ITGB6: variants seen among roughly 807,000 people sequenced by gnomAD.
ITGB6 encodes integrin subunit beta 6.
In ITGB6, 80 loss-of-function variants were observed where a neutral mutation model predicts 84.5. That is an observed-to-expected ratio of 0.95 (90% confidence interval 0.79 to 1.14). The LOEUF (loss-of-function observed/expected upper bound fraction) is 1.14, where lower values mean the gene tolerates loss of function less well. Among genes scored for constraint, ITGB6 ranks in the 50% most tolerant of loss-of-function variants. The pLI, the probability that ITGB6 is intolerant of heterozygous loss-of-function variation, is 0.00. For synonymous variants in ITGB6, 383 were observed against 354.9 expected (o/e 1.08, Z -0.89); for missense variants, 1,006 against 968.0 (o/e 1.04, Z -0.52).
chr2:160,172,192 T>G (rs900238058), intron 6 of ITGB6, among the ~76,000 whole-genome samples: 5 of 152,234 alleles, frequency 3.3e-5, no homozygotes, highest in African/African-American at 1.2e-4. Flanking sequence ...GATGGCCTGA[T>G]TCAAGGACTA....
chr2:160,194,773 T>A (rs1016824160), intron 4 of ITGB6, among the ~76,000 whole-genome samples: 1 of 152,148 alleles, frequency 6.6e-6, no homozygotes, highest in African/African-American at 2.4e-5. Context: ...ATCACCTGCA[T>A]AATGTGTGGT....
chr2:160,103,183 GA>G (rs1039401153), intron 14 of ITGB6, among the ~76,000 whole-genome samples: 3 of 151,494 alleles, frequency 2.0e-5, no homozygotes, highest in East Asian at 3.9e-4. Context: ...GGGTGGATTT[GA>G]AAAAAAACCT....
chr2:160,180,860 G>A (rs1235138634), intron 4 of ITGB6, among the ~76,000 whole-genome samples: 1 of 152,140 alleles, frequency 6.6e-6, no homozygotes, highest in Admixed American at 6.5e-5. Context: ...AGGGTGGGGC[G>A]TCACCTCACC....
At chr2:160,101,885 A>T (rs1321028152) in intron 14 of ITGB6, 51 bp from the exon 15 acceptor site, 8 of 1,064,328 alleles carry the variant, frequency 7.5e-6, no homozygotes, top group Non-Finnish European at 1.2e-5. Flanking sequence ...TTGTTTTTAT[A>T]CTGTTTTAAT....
intron 7 of ITGB6, among the ~76,000 whole-genome samples, chr2:160,152,912 AG>A (rs1684484220): frequency 6.6e-6 from 1 of 152,228 alleles, no homozygotes; most frequent in Non-Finnish European, 1.5e-5. Flanking sequence ...GACCTCTTCA[AG>A]GCAAACTACA....
chr2:160,190,211 G>C (rs532184546), intron 4 of ITGB6, among the ~76,000 whole-genome samples: 16 of 149,474 alleles, frequency 1.1e-4, no homozygotes, highest in East Asian at 4.0e-4. Context: ...TTGTGGGTTG[G>C]GGGGAGGGGG....
Position 160,137,454 on chromosome 2 carries a change from T to G in ITGB6, c.1640A>C (p.His547Pro). 6.2e-7 allele frequency: 1 copy of G among 1,611,460 alleles called. No individual in the cohort carries two copies. Among genetic ancestry groups the G allele is most frequent in the Non-Finnish European group, 8.5e-7 (1 of 1,177,916 alleles). Residue 547 changes from histidine to proline, a missense_variant, in exon 10 of 15, where the codon CAC becomes CCC. Transcript: ENST00000283249. ...CCTACCTCCGCAGAGCAGCCCTTTG[T>G]GTCTCACGCAGGAGAAATTGTCACA... is the stretch of plus-strand genomic sequence containing the variant. ...CQCDNFSCVR[H>P]KGLLCGGNGD...
chr2:160,135,996 A>G (rs1251092960), intron 10 of ITGB6, among the ~76,000 whole-genome samples: 2 of 152,230 alleles, frequency 1.3e-5, no homozygotes, highest in Non-Finnish European at 2.9e-5. Flanking sequence ...AGGCATGAGC[A>G]AGGACTTCAT....
In ITGB6 at chr2:160,116,929, A is replaced by C. The variant is rs571776842; in HGVS notation, c.1982-4730T>G. ...AAAGAGACAAAGAAGGCCATTACAT[A>C]ATGGTAAAGGGATCAATTCAACAAG... On this transcript the variant is annotated intron_variant, in intron 12 of 14. Transcript: ENST00000283249. Among the ~76,000 whole-genome samples, 5 of 151,930 alleles carry C rather than the reference A, an allele frequency of 3.3e-5. No individual in the cohort carries two copies. In the South Asian group the frequency reaches 6.2e-4, roughly 19 times the overall value.
chr2:160,162,605 T>A (rs1446714328), intron 7 of ITGB6, among the ~76,000 whole-genome samples: 4 of 152,126 alleles, frequency 2.6e-5, no homozygotes, highest in Non-Finnish European at 5.9e-5. Flanking sequence ...GCAATAAGTA[T>A]GTGGGTGTTT....
chr2:160,120,848 G>T (rs1460312234), intron 12 of ITGB6, among the ~76,000 whole-genome samples: 1 of 147,788 alleles, frequency 6.8e-6, no homozygotes, highest in Admixed American at 6.8e-5. Flanking sequence ...ACTCATAGGT[G>T]GGAATTGAAC....
At chr2:160,185,435 C>G (rs1381964188) in intron 4 of ITGB6, among the ~76,000 whole-genome samples, 1 of 152,180 alleles carries the variant, frequency 6.6e-6, no homozygotes, top group Non-Finnish European at 1.5e-5. Context: ...TGAAGGACCT[C>G]TTCAAGAACT....
intron 4 of ITGB6, among the ~76,000 whole-genome samples, chr2:160,181,207 C>T (rs570837597): frequency 2.4e-4 from 37 of 152,314 alleles, no homozygotes; most frequent in African/African-American, 8.9e-4. Flanking sequence ...AGATCCCACT[C>T]TCATGGAGCC....
chr2:160,138,606 A>T (rs546510914), intron 8 of ITGB6, among the ~76,000 whole-genome samples: 6 of 152,186 alleles, frequency 3.9e-5, no homozygotes, highest in Non-Finnish European at 7.4e-5. Flanking sequence ...ATATCTCAGT[A>T]ACAAAATTAA....
intron 10 of ITGB6, among the ~76,000 whole-genome samples, chr2:160,129,781 C>A (rs1559121532): frequency 1.3e-5 from 2 of 151,974 alleles, no homozygotes; most frequent in African/African-American, 4.8e-5. Context: ...TGACTGGGCT[C>A]TAAGGAAATT....
intron 10 of ITGB6, among the ~76,000 whole-genome samples, chr2:160,133,375 C>G (rs879852408): frequency 6.6e-6 from 1 of 152,020 alleles, no homozygotes; most frequent in Non-Finnish European, 1.5e-5. Context: ...TAAATTTATA[C>G]GCACCCAGTA....
At chr2:160,116,118 T>C (rs1195339367) in intron 12 of ITGB6, among the ~76,000 whole-genome samples, 1 of 147,388 alleles carries the variant, frequency 6.8e-6, no homozygotes. Flanking sequence ...ACTTCCCCAA[T>C]CTAGCAAGGC....
intron 12 of ITGB6, among the ~76,000 whole-genome samples, chr2:160,113,479 A>C (rs2105782132): frequency 6.6e-6 from 1 of 152,342 alleles, no homozygotes. Context: ...TTGTAAATAA[A>C]ATTTCGGATG....
At chr2:160,131,408 T>C (rs912857665) in intron 10 of ITGB6, among the ~76,000 whole-genome samples, 1 of 151,954 alleles carries the variant, frequency 6.6e-6, no homozygotes, top group African/African-American at 2.4e-5. Flanking sequence ...AGTGGCACAT[T>C]GCTTAGTATA....
Sources: allele counts gnomAD v4.1 joint callset (sites outside exome capture counted in the v4.1 genomes callset), GRCh38; gene constraint gnomAD v4.1.1; transcripts MANE v1.5; gene names NCBI Gene and HGNC (gene_info 2026-07-23, HGNC 2026-07-21).